FAM200B: variants seen among roughly 807,000 people sequenced by gnomAD.
FAM200B encodes the protein protein FAM200B.
FAM200B carries 32 observed loss-of-function variants against 33.1 expected under a neutral mutation model. The ratio of observed to expected loss-of-function variants is 0.97; its 90% CI spans 0.73 to 1.30. The LOEUF (loss-of-function observed/expected upper bound fraction) is 1.30. Ranked by LOEUF, FAM200B falls within the 50% of genes most tolerant of loss-of-function variation. The pLI is 0.00. For synonymous variants in FAM200B, 240 were observed against 264.8 expected (o/e 0.91, Z 0.91); for missense variants, 741 against 754.0 (o/e 0.98, Z 0.20).
chr4:15,666,023 T>A, the FAM200B span, among the ~76,000 whole-genome samples: 215 of 148,342 alleles, frequency 1.4e-3, 1 homozygote, highest in East Asian at 0.025. Flanking sequence ...AACCTTTTTT[T>A]AAAAAAAAAA....
chr4:15,659,757 C>T, the FAM200B span: 11 of 984,330 alleles, frequency 1.1e-5, no homozygotes, highest in Non-Finnish European at 1.3e-5. Flanking sequence ...GTAAATATTG[C>T]CAAGTGAACA....
At chr4:15,652,498 G>A in the FAM200B span, among the ~76,000 whole-genome samples, 6 of 152,194 alleles carry the variant, frequency 3.9e-5, no homozygotes, top group South Asian at 4.2e-4. Context: ...ACTTTTTACA[G>A]ATGTAAAAAG....
At chr4:15,660,807 G>T in the FAM200B span, among the ~76,000 whole-genome samples, 1 of 152,294 alleles carries the variant, frequency 6.6e-6, no homozygotes, top group East Asian at 1.9e-4. Flanking sequence ...GGCCCAGCAC[G>T]GTGGCTCACG....
chr4:15,688,668 A>G lies in FAM200B; in HGVS notation c.1691A>G (p.Gln564Arg). 1 of 1,551,436 alleles carries G rather than the reference A, an allele frequency of 6.4e-7. No individual in the cohort carries two copies. Among genetic ancestry groups the G allele is most frequent in the Non-Finnish European group, 8.7e-7 (1 of 1,146,792 alleles). The change falls in exon 2 of 2, where the codon CAG becomes CGG. Residue 564 changes from glutamine (Q) to arginine (R), a missense_variant. Gln to Arg is a conservative substitution (Grantham distance 43). Transcript: ENST00000422728. Reference sequence around the variant, plus strand: ...CCTGAAGAAGAGAATGAATTATTGCAGCTTAGTTCTTCATATACATTGAAG... The same window carrying G: ...CCTGAAGAAGAGAATGAATTATTGCGGCTTAGTTCTTCATATACATTGAAG... The part of the protein sequence containing the change: ...LVPEEENELL[Q>R]LSSSYTLKND...
At chr4:15,677,230 GTA>G (rs926751398), upstream of FAM200B, among the ~76,000 whole-genome samples, 1 of 152,068 alleles carries the variant, frequency 6.6e-6, no homozygotes, top group Non-Finnish European at 1.5e-5. Flanking sequence ...TGGATGCTGG[GTA>G]TATATGTTCG....
chr4:15,651,888 A>T, the FAM200B span, among the ~76,000 whole-genome samples: 3 of 152,210 alleles, frequency 2.0e-5, no homozygotes, highest in Non-Finnish European at 4.4e-5. Flanking sequence ...CTCTTCTCTC[A>T]GAAATCAATT....
chr4:15,668,859 G>A, the FAM200B span, among the ~76,000 whole-genome samples: 1 of 152,186 alleles, frequency 6.6e-6, no homozygotes, highest in Non-Finnish European at 1.5e-5. Context: ...GATATGGTAT[G>A]TATAACTTTA....
chr4:15,657,676 A>G, the FAM200B span, among the ~76,000 whole-genome samples: 10 of 152,256 alleles, frequency 6.6e-5, no homozygotes, highest in Admixed American at 6.5e-4. Context: ...AATTTTTCCC[A>G]TGGAAAGCTA....
At chr4:15,648,857 G>A in the FAM200B span, among the ~76,000 whole-genome samples, 2 of 152,152 alleles carry the variant, frequency 1.3e-5, no homozygotes, top group African/African-American at 4.8e-5. Flanking sequence ...TACATCCTCT[G>A]TGTCTTTACC....
chr4:15,662,791 C>G, the FAM200B span, among the ~76,000 whole-genome samples: 1 of 151,978 alleles, frequency 6.6e-6, no homozygotes, highest in African/African-American at 2.4e-5. Context: ...TTTGTCTTTG[C>G]AAAGGTGTTC....
At chr4:15,641,757 T>G in the FAM200B span, 1 of 361,942 alleles carries the variant, frequency 2.8e-6, no homozygotes, top group Non-Finnish European at 5.4e-6. Context: ...CCAGGCACGG[T>G]GGCTCATGCC....
At chr4:15,676,369 G>A in the FAM200B span, among the ~76,000 whole-genome samples, 4 of 152,046 alleles carry the variant, frequency 2.6e-5, no homozygotes, top group African/African-American at 9.7e-5. Flanking sequence ...TATGAGGATG[G>A]AAACAGCCAA....
the FAM200B span, among the ~76,000 whole-genome samples, chr4:15,644,073 G>A: frequency 6.6e-6 from 1 of 152,206 alleles, no homozygotes; most frequent in Admixed American, 6.5e-5. Flanking sequence ...AATTGGTTTA[G>A]TGAAAAATCT....
rs781539602 is a variant in FAM200B, at chr4:15,687,618, T to C, written c.641T>C (p.Met214Thr). ...ICTIAEHLET[M>T]LITRLQSGID... ...ACTATTGCAGAACATTTAGAAACAATGCTTATTACTCGTTTACAGTCTGGT... is the reference window on the plus strand; with the variant it reads ...ACTATTGCAGAACATTTAGAAACAACGCTTATTACTCGTTTACAGTCTGGT... The change falls in exon 2 of 2, where the codon ATG becomes ACG. Residue 214 changes from methionine (M) to threonine (T), a missense_variant. By Grantham distance (81) the Met-to-Thr change is moderately conservative. Coordinates refer to ENST00000422728, the MANE Select transcript of FAM200B (RefSeq NM_001145191.2). The C allele has an allele frequency of 8.4e-6, 13 of 1,550,998 alleles. No individual in the cohort carries two copies. In the African/African-American group the frequency reaches 1.5e-4, roughly 18 times the overall value.
At chr4:15,649,337 T>A in the FAM200B span, among the ~76,000 whole-genome samples, 7 of 152,140 alleles carry the variant, frequency 4.6e-5, no homozygotes, top group East Asian at 1.4e-3. Context: ...CCCAGCACTT[T>A]GGGAGGCCGA....
At chr4:15,665,362 C>T in the FAM200B span, among the ~76,000 whole-genome samples, 1 of 152,148 alleles carries the variant, frequency 6.6e-6, no homozygotes, top group Non-Finnish European at 1.5e-5. Flanking sequence ...AGCCATACCC[C>T]TATAATCAGA....
chr4:15,655,802 C>T, the FAM200B span, among the ~76,000 whole-genome samples: 2 of 152,200 alleles, frequency 1.3e-5, no homozygotes, highest in Non-Finnish European at 2.9e-5. Context: ...CGGAGCTGCC[C>T]TTCGCCTCCC....
chr4:15,668,946 T>C, the FAM200B span, among the ~76,000 whole-genome samples: 1 of 152,194 alleles, frequency 6.6e-6, no homozygotes, highest in African/African-American at 2.4e-5. Context: ...TGCAGAACAT[T>C]TGGAAGCAAT....
chr4:15,653,471 G>A, the FAM200B span, among the ~76,000 whole-genome samples: 1 of 152,122 alleles, frequency 6.6e-6, no homozygotes, highest in Non-Finnish European at 1.5e-5. Context: ...ATTTTGGGAG[G>A]TCACAATCAT....
Sources: allele counts gnomAD v4.1 joint callset (sites outside exome capture counted in the v4.1 genomes callset), GRCh38; gene constraint gnomAD v4.1.1; transcripts MANE v1.5; gene names NCBI Gene and HGNC (gene_info 2026-07-23, HGNC 2026-07-21).